Variants in FBXW8 observed in about 807,000 individuals in gnomAD.
The protein encoded by FBXW8 is F-box and WD repeat domain containing 8.
A neutral mutation model predicts 65.3 loss-of-function variants in FBXW8; 57 were observed. The observed-to-expected ratio is 0.87, with a 90% CI of 0.71 to 1.09. FBXW8 has a LOEUF of 1.09. FBXW8 is among the 50% of genes least tolerant of loss of function. The probability of loss-of-function intolerance (pLI) is 0.00; values close to 1 mark genes in which losing one functional copy is unlikely to be tolerated. For synonymous variants in FBXW8, 308 were observed against 330.2 expected, an observed-to-expected ratio of 0.93 and a Z score of 0.73; for missense variants, 777 against 814.8, an observed-to-expected ratio of 0.95 and a Z score of 0.57.
At chr12:116,986,026 G>A (rs958169712) in intron 6 of FBXW8, 1 of 152,284 alleles carries the variant, frequency 6.6e-6, no homozygotes, top group African/African-American at 2.4e-5. Flanking sequence ...TAGAGTGGGA[G>A]ATGATTTGGT....
chr12:116,912,914 A>G (rs569875246), intron 1 of FBXW8, among the ~76,000 whole-genome samples: 1 of 152,326 alleles, frequency 6.6e-6, no homozygotes, highest in South Asian at 2.1e-4. Flanking sequence ...GAATATAACA[A>G]TCCTGTGAGG....
chr12:116,996,300 T>C (rs2135687818), intron 7 of FBXW8, among the ~76,000 whole-genome samples: 1 of 152,292 alleles, frequency 6.6e-6, no homozygotes, highest in South Asian at 2.1e-4. Context: ...TGGAAAATCA[T>C]TGCTAACGTC....
At chr12:117,012,895 A>T (rs927099137) in intron 8 of FBXW8, among the ~76,000 whole-genome samples, 4 of 152,188 alleles carry the variant, frequency 2.6e-5, no homozygotes, top group Admixed American at 1.3e-4. Flanking sequence ...TAAAGTAGGG[A>T]ATCAGTTTTA....
At chr12:116,921,492 A>G (rs746020890) in intron 1 of FBXW8, among the ~76,000 whole-genome samples, 5 of 152,102 alleles carry the variant, frequency 3.3e-5, no homozygotes, top group Admixed American at 1.3e-4. Flanking sequence ...GGGACGATCT[A>G]TATTGCCTGT....
intron 8 of FBXW8, among the ~76,000 whole-genome samples, chr12:117,018,206 G>A (rs1028971158): frequency 1.3e-5 from 2 of 152,204 alleles, no homozygotes; most frequent in Non-Finnish European, 2.9e-5. Context: ...TTAGAGAGGG[G>A]CTGGAGAGAG....
intron 7 of FBXW8, among the ~76,000 whole-genome samples, chr12:116,992,983 A>G (rs919835224): frequency 1.3e-5 from 2 of 151,010 alleles, no homozygotes; most frequent in East Asian, 2.0e-4. Flanking sequence ...GCTTTTAGTT[A>G]TCTGAGAAAT....
chr12:116,969,604 C>T (rs1394477183), intron 5 of FBXW8, among the ~76,000 whole-genome samples: 4 of 151,980 alleles, frequency 2.6e-5, no homozygotes, highest in East Asian at 1.9e-4. Context: ...ATTTGTGACA[C>T]GGAAAAGAAG....
chr12:116,978,590 G>A (rs963975055), intron 5 of FBXW8: 3 of 152,102 alleles, frequency 2.0e-5, no homozygotes, highest in African/African-American at 4.8e-5. Flanking sequence ...TCTATTTAAC[G>A]ATCATGAAGT....
At chr12:116,931,286 T>A (rs1175592941) in intron 2 of FBXW8, among the ~76,000 whole-genome samples, 1 of 152,226 alleles carries the variant, frequency 6.6e-6, no homozygotes, top group Non-Finnish European at 1.5e-5. Context: ...TTGCTATAGC[T>A]TTGTAGTATA....
chr12:116,994,779 G>T (rs1953337360), intron 7 of FBXW8, among the ~76,000 whole-genome samples: 1 of 152,240 alleles, frequency 6.6e-6, no homozygotes. Context: ...TAATTTGCTG[G>T]CTCCCTACGG....
intron 7 of FBXW8, among the ~76,000 whole-genome samples, chr12:117,000,505 C>G (rs547471643): frequency 1.3e-5 from 2 of 152,354 alleles, no homozygotes; most frequent in East Asian, 3.9e-4. Context: ...ACTGGCCCCA[C>G]CCCCGGAGCT....
intron 2 of FBXW8, among the ~76,000 whole-genome samples, chr12:116,939,930 G>A (rs1565905453): frequency 1.3e-5 from 2 of 152,222 alleles, no homozygotes; most frequent in Non-Finnish European, 2.9e-5. Flanking sequence ...GCATCTGGGT[G>A]TCATGGGTAG....
rs1885592827 is a variant in FBXW8 at position 116,985,279 on chromosome 12, G to T, written c.909G>T (p.Gln303His). 6.2e-7 allele frequency: 1 copy of T among 1,614,080 alleles called. No individual in the cohort carries two copies. Among genetic ancestry groups the T allele is most frequent in the East Asian group, 2.2e-5 (1 of 44,886 alleles). Residue 303 changes from glutamine (Q) to histidine (H), a missense_variant, in exon 6 of 11, where the codon CAG becomes CAT. Physicochemically the swap from Gln to His is conservative, Grantham distance 24. Transcript: ENST00000652555. ...VHRFEHDARI[Q>H]ALALSQDDAT... The stretch of plus-strand genomic sequence containing the variant: ...GTTTTGAGCACGATGCAAGAATACA[G>T]GCACTAGCCCTCAGCCAGGACGATG...
chr12:116,961,455 G>A lies in FBXW8; in HGVS notation c.678-3242G>A, dbSNP rs952880914. ...GCATTTGGGATCCTCTCTGGAAGCC[G>A]GCCCGTGTGAAGGGAGAGTAGAAAA... On this transcript the variant is annotated intron_variant, in intron 4 of 10. Coordinates refer to ENST00000652555, the MANE Select transcript of FBXW8 (RefSeq NM_153348.3). This position sits in a 1 kb window ranked among gnomAD's most constrained non-coding sequence, Gnocchi z 4.4. Among the ~76,000 whole-genome samples the A allele has an allele frequency of 4.6e-5, 7 of 152,156 alleles. No homozygotes were observed. Among genetic ancestry groups the A allele is most frequent in the Non-Finnish European group, 5.9e-5 (4 of 68,034 alleles).
intron 7 of FBXW8, among the ~76,000 whole-genome samples, chr12:117,008,936 G>A (rs1953740913): frequency 1.3e-5 from 2 of 152,058 alleles, no homozygotes; most frequent in East Asian, 1.9e-4. Flanking sequence ...GTGTGGTGGC[G>A]GGCGCCTGTA....
At chr12:116,989,192 T>C (rs1036663387) in intron 7 of FBXW8, among the ~76,000 whole-genome samples, 52 of 152,342 alleles carry the variant, frequency 3.4e-4, no homozygotes, top group African/African-American at 1.2e-3. Flanking sequence ...ATACATAGTG[T>C]TCTGTACCCA....
At chr12:116,997,653 G>T (rs1345528250) in intron 7 of FBXW8, among the ~76,000 whole-genome samples, 1 of 152,180 alleles carries the variant, frequency 6.6e-6, no homozygotes, top group African/African-American at 2.4e-5. Context: ...AGGGCCTGTG[G>T]AAGGGGGTTC....
At chr12:116,969,886 C>T (rs1245180423) in intron 5 of FBXW8, among the ~76,000 whole-genome samples, 1 of 152,146 alleles carries the variant, frequency 6.6e-6, no homozygotes, top group Non-Finnish European at 1.5e-5. Context: ...TTCCAACCCT[C>T]TGGCCTCATA....
intron 4 of FBXW8, chr12:116,950,463 G>C (rs1008735474): frequency 3.3e-5 from 5 of 152,166 alleles, no homozygotes; most frequent in African/African-American, 1.2e-4. Flanking sequence ...GGAACTTCCT[G>C]CCTATGGGAA....
Sources: gnomAD v4.1 joint callset for allele counts (sites outside exome capture counted in the v4.1 genomes callset) on GRCh38, gnomAD v4.1.1 for gene constraint, Gnocchi (gnomAD v3.1) non-coding constraint, MANE v1.5 for transcripts, NCBI Gene and HGNC (gene_info 2026-07-23, HGNC 2026-07-21) for gene names.